The following PCDHGA1 variants were observed in gnomAD, a reference collection of about 807,000 sequenced individuals.
PCDHGA1 encodes the protein protocadherin gamma subfamily A, 1, also known as protocadherin gamma-A1.
In PCDHGA1, 32 loss-of-function variants were observed where a neutral mutation model predicts 58.0. The observed-to-expected ratio is 0.55, with a 90% confidence interval of 0.42 to 0.74. PCDHGA1 has a LOEUF of 0.74. Among genes scored for constraint, PCDHGA1 ranks in the 30% least tolerant of loss-of-function variants. The probability of loss-of-function intolerance (pLI) is 0.00; values close to 1 mark genes in which losing one functional copy is unlikely to be tolerated. For missense variants in PCDHGA1, 1,205 were observed against 1,182.3 expected, an observed-to-expected ratio of 1.02 and a Z score of -0.28; for synonymous variants, 498 against 501.1, an observed-to-expected ratio of 0.99 and a Z score of 0.08.
intron 1 of PCDHGA1, chr5:141,361,331 A>G (rs752611157): frequency 6.2e-7 from 1 of 1,613,970 alleles, no homozygotes; most frequent in South Asian, 1.1e-5. Flanking sequence ...TCTTCCTCAA[A>G]GAACTATTAC....
At chr5:141,473,853 C>T (rs2099329853) in intron 1 of PCDHGA1, among the ~76,000 whole-genome samples, 1 of 152,128 alleles carries the variant, frequency 6.6e-6, no homozygotes, top group Non-Finnish European at 1.5e-5. Flanking sequence ...GGAAGATGAA[C>T]CTCGCTATTG....
rs578223384 is a variant in PCDHGA1 at position 141,400,070 on chromosome 5, C to T, written c.2421+66965C>T. Reference sequence around the variant, plus strand: ...GTTGCTGTGCGTGATGGTGGACAGCCGCCACTCTCCGCCACCGCCACGCTG... The same window carrying T: ...GTTGCTGTGCGTGATGGTGGACAGCTGCCACTCTCCGCCACCGCCACGCTG... On this transcript the variant is annotated intron_variant, in intron 1 of 3. Coordinates refer to ENST00000517417, the MANE Select transcript of PCDHGA1 (RefSeq NM_018912.3). 1.2e-6 allele frequency: 2 copies of T among 1,613,922 alleles called. No individual in the cohort carries two copies. Among genetic ancestry groups the T allele is most frequent in the African/African-American group, 1.3e-5 (1 of 75,062 alleles).
intron 1 of PCDHGA1, chr5:141,365,341 A>T: frequency 6.2e-7 from 1 of 1,613,960 alleles, no homozygotes; most frequent in African/African-American, 1.3e-5. Context: ...TGGTCACAGT[A>T]CAGGACGTGA....
chr5:141,418,635 C>G, intron 1 of PCDHGA1: 1 of 1,614,018 alleles, frequency 6.2e-7, no homozygotes. Flanking sequence ...CCTCCAGGCA[C>G]CTCCATCCTG....
intron 1 of PCDHGA1, chr5:141,384,871 G>C (rs769607351): frequency 6.2e-7 from 1 of 1,613,766 alleles, no homozygotes; most frequent in Non-Finnish European, 8.5e-7. Context: ...GTCAGCCACC[G>C]TCACACTCAC....
chr5:141,438,392 A>C (rs2097958012), intron 1 of PCDHGA1, among the ~76,000 whole-genome samples: 1 of 151,714 alleles, frequency 6.6e-6, no homozygotes, highest in African/African-American at 2.4e-5. Context: ...TTAGTTCATC[A>C]TTAACTCTCT....
At chr5:141,345,431 C>G in intron 1 of PCDHGA1, 2 of 1,614,066 alleles carry the variant, frequency 1.2e-6, no homozygotes, top group Non-Finnish European at 1.7e-6. Context: ...AAAACAACCC[C>G]AGAGGAGCCT....
intron 1 of PCDHGA1, chr5:141,360,095 C>T (rs1402675837): frequency 2.6e-6 from 4 of 1,524,018 alleles, no homozygotes; most frequent in South Asian, 2.6e-5. Context: ...CCCCGGAAGG[C>T]TTATTCCTCC....
chr5:141,330,959 G>T lies in PCDHGA1; in HGVS notation c.275G>T (p.Arg92Leu). 1 of 1,614,208 alleles carries T rather than the reference G, an allele frequency of 6.2e-7. No individual in the cohort carries two copies. ...TTGATCACCGCGCGCAGGATAGACC[G>T]GGAGGAGCTCTGCGCTCAGAGCATG... ...GSLITARRIDREELCAQSMPC... is the reference protein window; with the variant it reads ...GSLITARRIDLEELCAQSMPC... Residue 92 changes from arginine (R) to leucine (L), a missense_variant, in exon 1 of 4, where the codon CGG (arginine) becomes CTG (leucine). Transcript: ENST00000517417.
chr5:141,472,159 A>G (rs1020175900), intron 1 of PCDHGA1, among the ~76,000 whole-genome samples: 1 of 152,246 alleles, frequency 6.6e-6, no homozygotes, highest in Non-Finnish European at 1.5e-5. Context: ...TTACATAGCT[A>G]CTAGGTGTAA....
chr5:141,477,568 C>G lies in PCDHGA1; in HGVS notation c.2422-17239C>G. 1 of 1,614,172 alleles carries G rather than the reference C, an allele frequency of 6.2e-7. No individual in the cohort carries two copies. Among genetic ancestry groups the G allele is most frequent in the Non-Finnish European group, 8.5e-7 (1 of 1,180,044 alleles). On this transcript the variant is annotated intron_variant, in intron 1 of 3. Coordinates refer to ENST00000517417, the MANE Select transcript of PCDHGA1 (RefSeq NM_018912.3). The surrounding 1 kb of genome is among the most constrained non-coding windows in gnomAD (Gnocchi z 4.9). ...TACTAAACCTAAGTGTCTGGGACCC[C>G]GACGCCCCGCAGAATGCTCGGCTTT...
Position 141,418,737 on chromosome 5 carries a change from C to T in PCDHGA1, c.2422-76070C>T, listed in dbSNP as rs768683069. 7.4e-6 allele frequency: 12 copies of T among 1,613,960 alleles called. No homozygotes were observed. The South Asian group carries it at 1.3e-4, about 18-fold the overall frequency. ...GCTGACAAAGCTCAGCACGTGTTCT[C>T]TCTGGATTACACTACAGGAAACATT... On this transcript the variant is annotated intron_variant, in intron 1 of 3. Coordinates refer to ENST00000517417, the MANE Select transcript of PCDHGA1 (RefSeq NM_018912.3).
chr5:141,431,216 C>A lies in PCDHGA1; in HGVS notation c.2422-63591C>A. On this transcript the variant is annotated intron_variant, in intron 1 of 3. Coordinates refer to ENST00000517417, the MANE Select transcript of PCDHGA1 (RefSeq NM_018912.3). The surrounding 1 kb of genome is among the most constrained non-coding windows in gnomAD (Gnocchi z 4.8). ...AAATGCAGCCACTGAGATGCGGTTC[C>A]CTCTACCCCACGCCTGGGATCCGGA... The A allele has an allele frequency of 6.2e-7, 1 of 1,614,162 alleles. No homozygotes were observed. The highest frequency in any genetic ancestry group is 8.5e-7 in the Non-Finnish European group (1 of 1,180,048).
chr5:141,392,955 A>G, intron 1 of PCDHGA1: 1 of 1,613,920 alleles, frequency 6.2e-7, no homozygotes, highest in Non-Finnish European at 8.5e-7. Flanking sequence ...CGTGGGTAAT[A>G]TCTCCAAGGA....
intron 1 of PCDHGA1, chr5:141,344,721 G>A: frequency 6.2e-7 from 1 of 1,613,990 alleles, no homozygotes; most frequent in Non-Finnish European, 8.5e-7. Flanking sequence ...GCACATCCAA[G>A]TGATAGTCCT....
intron 1 of PCDHGA1, chr5:141,415,349 A>G (rs921019257): frequency 1.2e-6 from 2 of 1,614,220 alleles, no homozygotes; most frequent in Non-Finnish European, 1.7e-6. Flanking sequence ...CGCTGGCACA[A>G]GTCACGCCTG....
At chr5:141,445,254 AAT>A (rs1214840265) in intron 1 of PCDHGA1, among the ~76,000 whole-genome samples, 49 of 152,350 alleles carry the variant, frequency 3.2e-4, no homozygotes, top group Non-Finnish European at 5.9e-5. Context: ...ATTGTGTGAG[AAT>A]ATAAGTCGAA....
intron 1 of PCDHGA1, chr5:141,403,850 G>T: frequency 6.2e-7 from 1 of 1,613,634 alleles, no homozygotes; most frequent in Non-Finnish European, 8.5e-7. Context: ...AAATACTGGG[G>T]AAATATCAAC....
intron 1 of PCDHGA1, among the ~76,000 whole-genome samples, chr5:141,469,414 A>C (rs1455286338): frequency 1.3e-5 from 2 of 152,118 alleles, no homozygotes; most frequent in Non-Finnish European, 2.9e-5. Flanking sequence ...GTTTCTACTA[A>C]AAATATAAAA....
Sources: gnomAD v4.1 joint callset for allele counts (sites outside exome capture counted in the v4.1 genomes callset) on GRCh38, gnomAD v4.1.1 for gene constraint, Gnocchi (gnomAD v3.1) non-coding constraint, MANE v1.5 for transcripts, NCBI Gene and HGNC (gene_info 2026-07-23, HGNC 2026-07-21) for gene names.